The following PITPNM3 variants were observed in gnomAD, a reference collection of about 807,000 sequenced individuals.
PITPNM3 encodes membrane-associated phosphatidylinositol transfer protein 3.
PITPNM3 carries 26 observed loss-of-function variants against 102.0 expected under a neutral mutation model. That is an observed-to-expected ratio of 0.25 (90% CI 0.19 to 0.35). The LOEUF (loss-of-function observed/expected upper bound fraction) is 0.35. Among genes scored for constraint, PITPNM3 ranks in the 10% least tolerant of loss-of-function variants. The probability of loss-of-function intolerance (pLI) is 1.00; values close to 1 mark genes in which losing one functional copy is unlikely to be tolerated. For synonymous variants in PITPNM3, 578 were observed against 558.6 expected, an observed-to-expected ratio of 1.03 and a Z score of -0.49; for missense variants, 1,083 against 1,346.1, an observed-to-expected ratio of 0.80 and a Z score of 3.06.
intron 3 of PITPNM3, 64 bp from the exon 4 acceptor site, chr17:6,503,638 A>T: frequency 1.9e-6 from 3 of 1,561,792 alleles, no homozygotes; most frequent in East Asian, 2.2e-5. Flanking sequence ...TGTGTTTCCC[A>T]GGGAGGCTGC....
intron 6 of PITPNM3, chr17:6,481,850 TGATA>T (rs1164058553): frequency 4.7e-5 from 2 of 42,668 alleles, no homozygotes; most frequent in Non-Finnish European, 4.9e-5. Context: ...CAGAATAGAA[TGATA>T]GAGAGAGAGA....
intron 1 of PITPNM3, among the ~76,000 whole-genome samples, chr17:6,549,888 T>C (rs1405046074): frequency 6.6e-6 from 1 of 152,156 alleles, no homozygotes; most frequent in Non-Finnish European, 1.5e-5. Context: ...AGGAGGCACG[T>C]GCTCTCCACG....
At position 6,468,964 on chromosome 17, in the gene PITPNM3, A is replaced by C. The variant is rs1192204562; in HGVS notation, c.1774-623T>G. 2.0e-5 allele frequency among the ~76,000 whole-genome samples: 3 copies of C among 146,602 alleles called. No homozygotes were observed. Among genetic ancestry groups the C allele is most frequent in the Admixed American group, 6.8e-5 (1 of 14,774 alleles). On this transcript the variant is annotated intron_variant, in intron 13 of 19. Transcript: ENST00000262483. This position sits in a 1 kb window ranked among gnomAD's most constrained non-coding sequence, Gnocchi z 5.2. ...ACTCCAGTCAGGGTTCTTCTCCATCACTCCTCTACGGAAGCCATTCTTGCC... is the reference window on the plus strand; with the variant it reads ...ACTCCAGTCAGGGTTCTTCTCCATCCCTCCTCTACGGAAGCCATTCTTGCC...
At chr17:6,525,030 G>T (rs1446921648) in intron 3 of PITPNM3, among the ~76,000 whole-genome samples, 3 of 152,120 alleles carry the variant, frequency 2.0e-5, no homozygotes, top group Non-Finnish European at 4.4e-5. Flanking sequence ...TCCTTATTCA[G>T]CAGATTCCAA....
At position 6,455,065 on chromosome 17, in the gene PITPNM3, GAC is replaced by G; in HGVS notation, c.*271_*272del. 2.0e-6 allele frequency: 1 copy of G among 493,038 alleles called. No individual in the cohort carries two copies. The highest frequency in any genetic ancestry group is 3.5e-6 in the Non-Finnish European group (1 of 283,602). The allele number at this position is 493,038 out of a possible 1,614,324, so 30.5% of individuals were successfully genotyped here. A position where few individuals can be genotyped will look rare whatever the true frequency, so the allele number is the denominator to read the frequency against. On this transcript the variant is annotated 3_prime_UTR_variant, in exon 20 of 20. Coordinates refer to ENST00000262483, the MANE Select transcript of PITPNM3 (RefSeq NM_031220.4). ...CCCCGGGCAAGCCTGCCCCCAGGAT[GAC>G]ACAAACATGAACCCTGACTTGGGCT...
chr17:6,481,248 C>T (rs1233601776), intron 6 of PITPNM3: 1 of 152,062 alleles, frequency 6.6e-6, no homozygotes, highest in Non-Finnish European at 1.5e-5. Flanking sequence ...GCTGGCATCC[C>T]TATGGCTAGT....
chr17:6,483,080 G>A (rs1054266376), intron 6 of PITPNM3, among the ~76,000 whole-genome samples: 6 of 151,968 alleles, frequency 3.9e-5, no homozygotes, highest in African/African-American at 1.5e-4. Context: ...AAGAAGCTGG[G>A]ACTGCAGGCG....
chr17:6,455,249 G>C lies in PITPNM3; in HGVS notation c.*89C>G, dbSNP rs1029447925. On this transcript the variant is annotated 3_prime_UTR_variant, in exon 20 of 20. Coordinates refer to ENST00000262483, the MANE Select transcript of PITPNM3 (RefSeq NM_031220.4). Reference sequence around the variant, plus strand: ...CACGGGAGGGAAAAAGCAGGAAAACGCCTGTGTCGGGGAGAGGGCAGCCCC... The same window carrying C: ...CACGGGAGGGAAAAAGCAGGAAAACCCCTGTGTCGGGGAGAGGGCAGCCCC... The C allele has an allele frequency of 7.0e-7, 1 of 1,431,190 alleles. No individual in the cohort carries two copies. The highest frequency in any genetic ancestry group is 9.3e-7 in the Non-Finnish European group (1 of 1,073,278). The allele number at this position is 1,431,190 out of a possible 1,614,324, so 88.7% of individuals were successfully genotyped here.
In PITPNM3 at chr17:6,481,971, C is replaced by T. The variant is rs1597374887; in HGVS notation, c.587+1546G>A. On this transcript the variant is annotated intron_variant, in intron 6 of 19. Coordinates refer to ENST00000262483, the MANE Select transcript of PITPNM3 (RefSeq NM_031220.4). ...TGTTATAATGTTGGGGCACTTAGCCCTAGGAAAACAGAACCTCTCTCTCTC... is the reference window on the plus strand; with the variant it reads ...TGTTATAATGTTGGGGCACTTAGCCTTAGGAAAACAGAACCTCTCTCTCTC... The T allele has an allele frequency of 4.4e-5, 5 of 114,420 alleles. No individual in the cohort carries two copies. In the South Asian group the frequency reaches 1.5e-3, roughly 35 times the overall value. 7.1% of individuals were successfully genotyped at this position (114,420 alleles called of 1,614,324 possible).
chr17:6,527,377 G>A (rs561046975), intron 2 of PITPNM3, among the ~76,000 whole-genome samples: 1 of 152,304 alleles, frequency 6.6e-6, no homozygotes, highest in Non-Finnish European at 1.5e-5. Context: ...TCATTGGATT[G>A]TTGTGAGCAT....
intron 3 of PITPNM3, among the ~76,000 whole-genome samples, chr17:6,505,650 T>A (rs1448848660): frequency 1.3e-5 from 2 of 152,210 alleles, no homozygotes; most frequent in African/African-American, 4.8e-5. Flanking sequence ...CATGAAACTC[T>A]GGCGTCCCTA....
At chr17:6,542,030 C>T (rs1047689154) in intron 1 of PITPNM3, among the ~76,000 whole-genome samples, 8 of 152,200 alleles carry the variant, frequency 5.3e-5, no homozygotes, top group South Asian at 2.1e-4. Flanking sequence ...GTTTGCTCTG[C>T]GGAAGAGATC....
chr17:6,454,157 G>C lies in PITPNM3; in HGVS notation c.*1181C>G, dbSNP rs1913979549. On this transcript the variant is annotated 3_prime_UTR_variant, in exon 20 of 20. Transcript: ENST00000262483. ...CTCTATGCCTCTGGGAGCCAAAAAG[G>C]ATAAAAGGGTCCTGGCAGAGCTGGG... 1 of 152,302 alleles carries C rather than the reference G, an allele frequency of 6.6e-6. No individual in the cohort carries two copies. 9.4% of individuals were successfully genotyped at this position (152,302 alleles called of 1,614,324 possible). A position where few individuals can be genotyped will look rare whatever the true frequency, so the allele number is the denominator to read the frequency against.
chr17:6,501,197 C>CA (rs1459563925), intron 4 of PITPNM3, among the ~76,000 whole-genome samples: 1 of 152,192 alleles, frequency 6.6e-6, no homozygotes, highest in Non-Finnish European at 1.5e-5. Flanking sequence ...CTCCTCTGGC[C>CA]AGGTGCTCAG....
At chr17:6,484,878 A>G (rs1905978945) in intron 4 of PITPNM3, among the ~76,000 whole-genome samples, 1 of 152,174 alleles carries the variant, frequency 6.6e-6, no homozygotes. Flanking sequence ...AGCAGAACAA[A>G]GTGCTGCAGG....
At chr17:6,555,552 C>G (rs1268257019) in intron 1 of PITPNM3, among the ~76,000 whole-genome samples, 2 of 152,204 alleles carry the variant, frequency 1.3e-5, no homozygotes, top group South Asian at 2.1e-4. Flanking sequence ...GTCCTCCACC[C>G]GCCTCCCAAG....
intron 2 of PITPNM3, among the ~76,000 whole-genome samples, chr17:6,532,019 T>C (rs1240741140): frequency 6.6e-6 from 1 of 151,632 alleles, no homozygotes; most frequent in Middle Eastern, 3.2e-3. Flanking sequence ...GGCAGGAGAA[T>C]CACTTGAACC....
At chr17:6,474,680 C>G (rs1170483175) in intron 9 of PITPNM3, 76 bp from the exon 10 acceptor site, 19 of 1,477,512 alleles carry the variant, frequency 1.3e-5, no homozygotes, top group Non-Finnish European at 1.7e-5. Context: ...CACAGCAGCG[C>G]AGCCTGAATT....
chr17:6,519,520 GAA>G (rs113109836), intron 3 of PITPNM3, among the ~76,000 whole-genome samples: 4 of 126,766 alleles, frequency 3.2e-5, no homozygotes, highest in Non-Finnish European at 3.4e-5. Context: ...CTCCGTCTCA[GAA>G]AAAAAAAAAA....
Sources: allele counts gnomAD v4.1 joint callset (sites outside exome capture counted in the v4.1 genomes callset), GRCh38; gene constraint gnomAD v4.1.1; non-coding constraint Gnocchi (gnomAD v3.1); transcripts MANE v1.5; gene names NCBI Gene and HGNC (gene_info 2026-07-23, HGNC 2026-07-21).